Variants in DPP10 observed in about 807,000 individuals in gnomAD.
DPP10 encodes the protein dipeptidyl peptidase like 10, also known as inactive dipeptidyl peptidase 10.
Under a neutral mutation model 120.9 loss-of-function variants are expected in DPP10, and 33 were observed. The ratio of observed to expected loss-of-function variants is 0.27; its 90% CI spans 0.21 to 0.37. The LOEUF is 0.37. Ranked by LOEUF, DPP10 falls within the 10% of genes least tolerant of loss-of-function variation. DPP10 has a pLI of 1.00. For missense variants in DPP10, 816 were observed against 942.8 expected (o/e 0.87, Z 1.76); for synonymous variants, 337 against 326.1 (o/e 1.03, Z -0.36).
intron 1 of DPP10, among the ~76,000 whole-genome samples, chr2:115,171,358 C>CAAAAAAAAAAAA (rs752738778): frequency 8.7e-6 from 1 of 114,392 alleles, no homozygotes; most frequent in East Asian, 2.3e-4. Flanking sequence ...GAGACTCCAT[C>CAAAAAAAAAAAA]AAAAAAAAAA....
At chr2:115,470,002 G>A (rs554388278) in intron 3 of DPP10, among the ~76,000 whole-genome samples, 11 of 151,830 alleles carry the variant, frequency 7.2e-5, no homozygotes, top group African/African-American at 1.2e-4. Context: ...TAAATGAAAC[G>A]TGGAAAATCT....
chr2:114,637,356 C>A (rs1201271197), intron 1 of DPP10, among the ~76,000 whole-genome samples: 2 of 151,970 alleles, frequency 1.3e-5, no homozygotes, highest in Middle Eastern at 3.4e-3. Flanking sequence ...TATTGTCCTC[C>A]AATCCACACA....
At chr2:115,379,468 G>A (rs551253936) in intron 3 of DPP10, among the ~76,000 whole-genome samples, 6 of 151,884 alleles carry the variant, frequency 4.0e-5, no homozygotes, top group East Asian at 1.9e-4. Flanking sequence ...TCTTGCTAGC[G>A]GTCTGTCAAT....
At chr2:115,458,464 A>T (rs1222683731) in intron 3 of DPP10, among the ~76,000 whole-genome samples, 1 of 152,150 alleles carries the variant, frequency 6.6e-6, no homozygotes, top group Non-Finnish European at 1.5e-5. Flanking sequence ...GACATGTAGA[A>T]AGTTTCCTCT....
intron 5 of DPP10, among the ~76,000 whole-genome samples, chr2:115,551,835 C>A (rs2079892509): frequency 6.6e-6 from 1 of 152,052 alleles, no homozygotes; most frequent in Non-Finnish European, 1.5e-5. Flanking sequence ...AACTAGAAAT[C>A]TTTTCAGCTA....
chr2:115,051,207 T>C (rs1241714745), intron 1 of DPP10, among the ~76,000 whole-genome samples: 2 of 152,124 alleles, frequency 1.3e-5, no homozygotes, highest in Non-Finnish European at 2.9e-5. Context: ...ATCCTTTAAA[T>C]CAGCTATTTT....
intron 5 of DPP10, among the ~76,000 whole-genome samples, chr2:115,628,627 G>T (rs962944547): frequency 6.6e-6 from 1 of 151,936 alleles, no homozygotes; most frequent in Non-Finnish European, 1.5e-5. Context: ...CCTGCATATT[G>T]TTCTAAGGTT....
intron 5 of DPP10, among the ~76,000 whole-genome samples, chr2:115,604,786 G>A (rs1355687089): frequency 1.3e-5 from 2 of 152,054 alleles, no homozygotes; most frequent in Non-Finnish European, 2.9e-5. Context: ...GAAAACATAA[G>A]TAGCCACCTC....
intron 3 of DPP10, among the ~76,000 whole-genome samples, chr2:115,475,196 G>A (rs2074996674): frequency 6.6e-6 from 1 of 152,076 alleles, no homozygotes; most frequent in South Asian, 2.1e-4. Context: ...GGTCTGAATG[G>A]TTTTGAGGGC....
At chr2:114,644,100 A>ATT (rs70937295) in intron 1 of DPP10, among the ~76,000 whole-genome samples, 60 of 129,952 alleles carry the variant, frequency 4.6e-4, no homozygotes, top group East Asian at 6.7e-4. Flanking sequence ...ATGCCCAGCT[A>ATT]TTTTTTTTTT....
intron 1 of DPP10, among the ~76,000 whole-genome samples, chr2:114,784,904 C>T (rs1682636863): frequency 6.6e-6 from 1 of 152,210 alleles, no homozygotes; most frequent in East Asian, 1.9e-4. Context: ...CTCTTCTCTG[C>T]CCTCACAGTA....
intron 13 of DPP10, among the ~76,000 whole-genome samples, chr2:115,773,903 T>G (rs1413454111): frequency 6.6e-6 from 1 of 152,084 alleles, no homozygotes; most frequent in African/African-American, 2.4e-5. Context: ...AAGTAAATCT[T>G]TGCTATTATA....
At chr2:115,425,754 T>G (rs2070396736) in intron 3 of DPP10, among the ~76,000 whole-genome samples, 1 of 152,174 alleles carries the variant, frequency 6.6e-6, no homozygotes, top group African/African-American at 2.4e-5. Flanking sequence ...GGGAAATTTA[T>G]AAATAAAATG....
At position 115,133,159 on chromosome 2, in the gene DPP10, A is replaced by G. The variant is rs1441810129; in HGVS notation, c.61-176080A>G. Among the ~76,000 whole-genome samples the G allele has an allele frequency of 2.9e-3, 367 of 126,948 alleles. 6 individuals carry two copies. Among genetic ancestry groups the G allele is most frequent in the African/African-American group, 0.011 (351 of 31,842 alleles). 83.3% of individuals were successfully genotyped at this position (126,948 alleles called of 152,430 possible). On this transcript the variant is annotated intron_variant, in intron 1 of 25. Transcript: ENST00000410059. ...TGTGTGTGTGTGTATATATATATAT[A>G]TATATATATATATATATAGTTTTTT...
chr2:115,790,121 G>C (rs1046627863), intron 17 of DPP10, among the ~76,000 whole-genome samples: 1 of 148,100 alleles, frequency 6.8e-6, no homozygotes, highest in East Asian at 2.0e-4. Context: ...CGCCCAGGCC[G>C]GACTGCGGAC....
intron 1 of DPP10, among the ~76,000 whole-genome samples, chr2:115,006,792 A>G (rs1701880166): frequency 6.6e-6 from 1 of 151,948 alleles, no homozygotes; most frequent in Non-Finnish European, 1.5e-5. Flanking sequence ...CCCCACTGTC[A>G]ACATTAGACA....
chr2:115,763,165 C>T (rs1680313856), intron 12 of DPP10, among the ~76,000 whole-genome samples: 1 of 152,140 alleles, frequency 6.6e-6, no homozygotes, highest in Non-Finnish European at 1.5e-5. Context: ...TAGCTGAATT[C>T]ATTTTACTCT....
intron 1 of DPP10, among the ~76,000 whole-genome samples, chr2:114,980,200 C>T (rs1699996926): frequency 6.6e-6 from 1 of 151,970 alleles, no homozygotes; most frequent in African/African-American, 2.4e-5. Context: ...TATTATTTTT[C>T]TTGATTCCTC....
chr2:115,587,881 G>A (rs543165730), intron 5 of DPP10, among the ~76,000 whole-genome samples: 1 of 152,182 alleles, frequency 6.6e-6, no homozygotes, highest in South Asian at 2.1e-4. Flanking sequence ...TTTTATCAGT[G>A]ATAGAATTTA....
Sources: gnomAD v4.1 joint callset for allele counts (sites outside exome capture counted in the v4.1 genomes callset) on GRCh38, gnomAD v4.1.1 for gene constraint, MANE v1.5 for transcripts, NCBI Gene and HGNC (gene_info 2026-07-23, HGNC 2026-07-21) for gene names.